Variants in OSBP2 observed in about 807,000 individuals in gnomAD.
The protein encoded by OSBP2 is oxysterol binding protein 2.
OSBP2 carries 66 observed loss-of-function variants against 96.0 expected under a neutral mutation model. The observed-to-expected ratio is 0.69, with a 90% CI of 0.56 to 0.84. The LOEUF (loss-of-function observed/expected upper bound fraction) is 0.84, where lower values mean the gene tolerates loss of function less well. Ranked by LOEUF, OSBP2 falls within the 40% of genes least tolerant of loss-of-function variation. OSBP2 has a pLI of 0.00. For missense variants in OSBP2, 1,038 were observed against 1,222.7 expected (o/e 0.85, Z 2.25); for synonymous variants, 525 against 520.9 (o/e 1.01, Z -0.11).
At chr22:30,854,640 GAA>G (rs34856752) in intron 2 of OSBP2, among the ~76,000 whole-genome samples, 11,657 of 134,808 alleles carry the variant, frequency 0.086, 476 homozygotes, top group Non-Finnish European at 0.097. Flanking sequence ...CATTTAAAGT[GAA>G]AAAAAAAAAA....
At chr22:30,872,536 G>T in intron 3 of OSBP2, 1 of 367,652 alleles carries the variant, frequency 2.7e-6, no homozygotes, top group Non-Finnish European at 5.4e-6. Flanking sequence ...ACAACCCCCT[G>T]GGGTTGGTCA....
At chr22:30,760,433 A>G (rs934489493) in intron 2 of OSBP2, among the ~76,000 whole-genome samples, 1 of 152,204 alleles carries the variant, frequency 6.6e-6, no homozygotes, top group Non-Finnish European at 1.5e-5. Flanking sequence ...CAGCAATACA[A>G]TAGAATATTA....
chr22:30,721,258 A>C (rs1365192288), intron 1 of OSBP2, among the ~76,000 whole-genome samples: 1 of 152,074 alleles, frequency 6.6e-6, no homozygotes, highest in Non-Finnish European at 1.5e-5. Context: ...CAAAACAAAA[A>C]AACAACAAAC....
At chr22:30,730,716 GTC>G (rs1191165719) in intron 1 of OSBP2, among the ~76,000 whole-genome samples, 96 of 19,942 alleles carry the variant, frequency 4.8e-3, no homozygotes, top group African/African-American at 9.1e-3. Flanking sequence ...TCGCTGCCCT[GTC>G]TCTCTCTCTC....
At chr22:30,886,399 T>C (rs566050594) in intron 3 of OSBP2, among the ~76,000 whole-genome samples, 2 of 152,274 alleles carry the variant, frequency 1.3e-5, no homozygotes, top group East Asian at 3.9e-4. Context: ...AGGTTCTTTT[T>C]AAGTCTTATA....
intron 1 of OSBP2, among the ~76,000 whole-genome samples, chr22:30,738,171 C>G (rs1328060440): frequency 6.6e-6 from 1 of 151,424 alleles, no homozygotes; most frequent in Non-Finnish European, 1.5e-5. Flanking sequence ...TGTTGGCACT[C>G]TGGCCAAAGG....
rs1042880246 is a variant in OSBP2, at chr22:30,905,941, G to A, written c.2480G>A (p.Arg827Gln). 14 of 1,612,378 alleles carry A rather than the reference G, an allele frequency of 8.7e-6. No homozygotes were observed. The highest frequency in any genetic ancestry group is 1.2e-5 in the Non-Finnish European group (14 of 1,179,514). The change falls in exon 13 of 14, where the codon CGG becomes CAG. Residue 827 changes from arginine to glutamine, a missense_variant. Physicochemically the swap from Arg to Gln is conservative, Grantham distance 43. Coordinates refer to ENST00000332585, the MANE Select transcript of OSBP2 (RefSeq NM_030758.4). ...PTDSRLRPDQ[R>Q]LMEKGRWDEA... ...GACAGCCGCCTGCGGCCCGACCAGC[G>A]GCTGATGGAGAAGGGCCGTTGGGAC... is the stretch of plus-strand genomic sequence containing the variant.
intron 2 of OSBP2, among the ~76,000 whole-genome samples, chr22:30,786,020 G>A (rs1262163583): frequency 6.7e-6 from 1 of 148,478 alleles, no homozygotes; most frequent in Non-Finnish European, 1.5e-5. Context: ...AATACAGTTT[G>A]TGTGTGTGTG....
intron 2 of OSBP2, among the ~76,000 whole-genome samples, chr22:30,820,578 A>G (rs1212202228): frequency 2.0e-5 from 3 of 152,102 alleles, no homozygotes; most frequent in Non-Finnish European, 4.4e-5. Context: ...GCCAGTTCCA[A>G]GCCTGGTGAC....
chr22:30,825,926 G>T (rs136220), intron 2 of OSBP2, among the ~76,000 whole-genome samples: 13 of 152,160 alleles, frequency 8.5e-5, no homozygotes, highest in African/African-American at 3.1e-4. Flanking sequence ...GAAACAGGAG[G>T]GGATCAGGGT....
chr22:30,823,203 C>T (rs1336999225), intron 2 of OSBP2, among the ~76,000 whole-genome samples: 1 of 152,162 alleles, frequency 6.6e-6, no homozygotes, highest in Admixed American at 6.5e-5. Flanking sequence ...ACCCTCCCTC[C>T]CCGTCCCGTG....
At chr22:30,713,597 A>T (rs938038154) in intron 1 of OSBP2, among the ~76,000 whole-genome samples, 5 of 151,984 alleles carry the variant, frequency 3.3e-5, no homozygotes, top group African/African-American at 9.7e-5. Flanking sequence ...AGTAGGTGGG[A>T]CTACAGATGC....
Position 30,784,283 on chromosome 22 carries a change from G to A in OSBP2, c.853+42914G>A, listed in dbSNP as rs138230657. ...TAATTTATTTATTATTTTGAGACAG[G>A]GTTTCTGTCACCCAAGTTGGAGTGC... On this transcript the variant is annotated intron_variant, in intron 2 of 13. Coordinates refer to ENST00000332585, the MANE Select transcript of OSBP2 (RefSeq NM_030758.4). 2.1e-3 allele frequency among the ~76,000 whole-genome samples: 311 copies of A among 149,998 alleles called. 3 individuals are homozygous for A. In the East Asian group the frequency reaches 0.038, roughly 18 times the overall value.
intron 1 of OSBP2, among the ~76,000 whole-genome samples, chr22:30,729,170 G>A (rs1189000928): frequency 6.6e-6 from 1 of 152,038 alleles, no homozygotes; most frequent in Non-Finnish European, 1.5e-5. Context: ...TCATTTCCTA[G>A]TATAAAGGTT....
At chr22:30,769,998 C>A (rs1432399591) in intron 2 of OSBP2, among the ~76,000 whole-genome samples, 1 of 152,052 alleles carries the variant, frequency 6.6e-6, no homozygotes, top group East Asian at 1.9e-4. Context: ...ATAAGTCTCA[C>A]AAGATCTGAT....
intron 1 of OSBP2, among the ~76,000 whole-genome samples, chr22:30,738,346 G>A (rs183513657): frequency 1.3e-5 from 2 of 152,066 alleles, no homozygotes; most frequent in East Asian, 3.9e-4. Flanking sequence ...ACAATTTCTA[G>A]CCTAAAATGT....
In OSBP2 at chr22:30,894,021, G is replaced by T; in HGVS notation, c.2375+20G>T. Reference sequence around the variant, plus strand: ...GCTGCCGTGAGTAGGGCTGGCAGGGGCCCCGCCACAGGCAAAGGAGAGGGA... The same window carrying T: ...GCTGCCGTGAGTAGGGCTGGCAGGGTCCCCGCCACAGGCAAAGGAGAGGGA... On this transcript the variant is annotated intron_variant, in intron 12 of 13. Coordinates refer to ENST00000332585, the MANE Select transcript of OSBP2 (RefSeq NM_030758.4). 2 of 1,575,102 alleles carry T rather than the reference G, an allele frequency of 1.3e-6. No individual in the cohort carries two copies.
At chr22:30,792,858 A>C (rs948012908) in intron 2 of OSBP2, among the ~76,000 whole-genome samples, 2 of 152,132 alleles carry the variant, frequency 1.3e-5, no homozygotes, top group African/African-American at 4.8e-5. Context: ...AGCTCATGTG[A>C]GTAATGTTAA....
rs1461384458 is a variant in OSBP2, at chr22:30,889,602, G to A, written c.1589G>A (p.Cys530Tyr). 1.9e-6 allele frequency: 3 copies of A among 1,614,032 alleles called. No homozygotes were observed. Among genetic ancestry groups the A allele is most frequent in the Non-Finnish European group, 2.5e-6 (3 of 1,180,034 alleles). The change falls in exon 7 of 14, where the codon TGC becomes TAC. Residue 530 changes from cysteine (C) to tyrosine (Y), a missense_variant. Physicochemically the swap from Cys to Tyr is radical, Grantham distance 194. Around this residue, in one of 3 missense-constraint regions of OSBP2, gnomAD observed 737 missense variants for 913.3 expected, o/e 0.81. Coordinates refer to ENST00000332585, the MANE Select transcript of OSBP2 (RefSeq NM_030758.4). ...AACCTCTGGAGCATCATGAAGAACT[G>A]CATCGGCCGGGAGCTCTCCAGGATC... ...SLNLWSIMKN[C>Y]IGRELSRIPM...
Sources: gnomAD v4.1 joint callset for allele counts (sites outside exome capture counted in the v4.1 genomes callset) on GRCh38, gnomAD v4.1.1 for gene constraint, gnomAD v4.1.1 regional missense constraint, MANE v1.5 for transcripts, NCBI Gene and HGNC (gene_info 2026-07-23, HGNC 2026-07-21) for gene names.